SNCAIP: variants seen among roughly 807,000 people sequenced by gnomAD.
SNCAIP encodes synuclein alpha interacting protein.
SNCAIP carries 43 observed loss-of-function variants against 86.7 expected under a neutral mutation model. The ratio of observed to expected loss-of-function variants is 0.50; its 90% CI spans 0.39 to 0.64. The LOEUF (loss-of-function observed/expected upper bound fraction) is 0.64, where lower values mean the gene tolerates loss of function less well. Ranked by LOEUF, SNCAIP falls within the 30% of genes least tolerant of loss-of-function variation. The pLI, the probability that SNCAIP is intolerant of heterozygous loss-of-function variation, is 0.00. For synonymous variants in SNCAIP, 417 were observed against 427.2 expected (o/e 0.98, Z 0.29); for missense variants, 981 against 1,103.1 (o/e 0.89, Z 1.57).
rs1490227893 is a variant in SNCAIP at position 122,440,339 on chromosome 5, G to A, written c.1297-290G>A. 2.8e-5 allele frequency: 11 copies of A among 395,848 alleles called. No individual in the cohort carries two copies. The East Asian group carries it at 6.5e-4, about 23-fold the overall frequency. The allele number at this position is 395,848 out of a possible 1,614,324, so 24.5% of individuals were successfully genotyped here. On this transcript the variant is annotated intron_variant, in intron 6 of 10. Coordinates refer to ENST00000261368, the MANE Select transcript of SNCAIP (RefSeq NM_005460.4). The stretch of plus-strand genomic sequence containing the variant: ...CTGTCTAGCTGTGTGCCTTGGATGA[G>A]GCACTCAATCTTACTGCAAACCTAT...
intron 1 of SNCAIP, among the ~76,000 whole-genome samples, chr5:122,372,117 G>T (rs1046314625): frequency 6.6e-6 from 1 of 152,086 alleles, no homozygotes; most frequent in African/African-American, 2.4e-5. Flanking sequence ...TATCTAACAT[G>T]CAGCACTAGG....
intron 3 of SNCAIP, among the ~76,000 whole-genome samples, chr5:122,407,484 G>A (rs1267289320): frequency 1.3e-5 from 2 of 152,200 alleles, no homozygotes; most frequent in South Asian, 2.1e-4. Flanking sequence ...AGCAATGCCA[G>A]CAGGATTCCA....
intron 1 of SNCAIP, among the ~76,000 whole-genome samples, chr5:122,347,614 A>G (rs1272944142): frequency 6.6e-6 from 1 of 152,054 alleles, no homozygotes; most frequent in East Asian, 1.9e-4. Flanking sequence ...ATTGGAAAAA[A>G]TATATATCCA....
chr5:122,409,345 A>G (rs1489173892), intron 3 of SNCAIP, among the ~76,000 whole-genome samples: 1 of 152,240 alleles, frequency 6.6e-6, no homozygotes, highest in Non-Finnish European at 1.5e-5. Flanking sequence ...GTCTCAATTC[A>G]TGCTGCTTTA....
At chr5:122,320,331 A>C (rs191426877) in intron 1 of SNCAIP, among the ~76,000 whole-genome samples, 425 of 152,320 alleles carry the variant, frequency 2.8e-3, no homozygotes, top group Non-Finnish European at 5.2e-3. Flanking sequence ...AAATGACTGC[A>C]AATTCTCCAT....
intron 5 of SNCAIP, among the ~76,000 whole-genome samples, chr5:122,430,015 A>C (rs530032211): frequency 2.4e-4 from 36 of 152,230 alleles, no homozygotes; most frequent in African/African-American, 8.2e-4. Context: ...CAGGGAGCCA[A>C]CTCATTCAGA....
intron 1 of SNCAIP, among the ~76,000 whole-genome samples, chr5:122,357,261 A>T (rs1761208261): frequency 6.6e-6 from 1 of 152,004 alleles, no homozygotes; most frequent in Non-Finnish European, 1.5e-5. Context: ...TTCAAGACAG[A>T]GTCTTGCTCT....
At chr5:122,382,244 T>C (rs1046696130) in intron 1 of SNCAIP, among the ~76,000 whole-genome samples, 8 of 152,130 alleles carry the variant, frequency 5.3e-5, no homozygotes, top group African/African-American at 7.2e-5. Flanking sequence ...CTCATTTCTT[T>C]TTATTCTTTT....
intron 1 of SNCAIP, among the ~76,000 whole-genome samples, chr5:122,351,303 A>G (rs1157242778): frequency 1.3e-5 from 2 of 152,042 alleles, no homozygotes; most frequent in African/African-American, 4.8e-5. Context: ...TTGGGAGGCC[A>G]AGGCAGGCAG....
intron 1 of SNCAIP, among the ~76,000 whole-genome samples, chr5:122,347,890 T>C (rs949678557): frequency 1.3e-5 from 2 of 152,138 alleles, no homozygotes; most frequent in Non-Finnish European, 2.9e-5. Context: ...AACGATTTTC[T>C]TTTTAAAAAA....
At chr5:122,459,181 TC>T (rs1451681468) in intron 10 of SNCAIP, among the ~76,000 whole-genome samples, 1 of 152,178 alleles carries the variant, frequency 6.6e-6, no homozygotes, top group East Asian at 1.9e-4. Flanking sequence ...ATAGATGTGC[TC>T]TCAGTCAAAA....
intron 1 of SNCAIP, among the ~76,000 whole-genome samples, chr5:122,352,877 G>A (rs563534619): frequency 2.0e-5 from 3 of 152,220 alleles, no homozygotes; most frequent in South Asian, 2.1e-4. Flanking sequence ...GAGAAGAAGC[G>A]AGAAGCATGG....
intron 1 of SNCAIP, among the ~76,000 whole-genome samples, chr5:122,319,723 G>T (rs958233568): frequency 1.3e-5 from 2 of 152,214 alleles, no homozygotes; most frequent in Non-Finnish European, 2.9e-5. Context: ...GCAGAAGGAA[G>T]ATATTAGCCA....
chr5:122,454,746 G>T (rs944385230), intron 10 of SNCAIP, among the ~76,000 whole-genome samples: 1 of 152,178 alleles, frequency 6.6e-6, no homozygotes, highest in African/African-American at 2.4e-5. Flanking sequence ...AACTCCTTGG[G>T]AAGGGGAAGA....
chr5:122,422,336 C>T (rs1776553368), intron 3 of SNCAIP, among the ~76,000 whole-genome samples: 1 of 152,184 alleles, frequency 6.6e-6, no homozygotes, highest in South Asian at 2.1e-4. Flanking sequence ...TAGGGAGTCA[C>T]TCAAGGAGGT....
chr5:122,406,568 G>C (rs1037480162), intron 3 of SNCAIP, among the ~76,000 whole-genome samples: 1 of 152,140 alleles, frequency 6.6e-6, no homozygotes, highest in Non-Finnish European at 1.5e-5. Flanking sequence ...TCTCATGAAT[G>C]GTTTAGCGCC....
chr5:122,312,100 G>T (rs1750680309), upstream of SNCAIP: 1 of 147,436 alleles, frequency 6.8e-6, no homozygotes, highest in African/African-American at 2.4e-5. Context: ...GCCCGCGCGC[G>T]CCCGTTGGGG....
At position 122,423,650 on chromosome 5, in the gene SNCAIP, A is replaced by C. The variant is rs746747017; in HGVS notation, c.913A>C (p.Ser305Arg). The C allele has an allele frequency of 2.5e-6, 4 of 1,612,644 alleles. No homozygotes were observed. In the Admixed American group the frequency reaches 6.7e-5, roughly 27 times the overall value. Residue 305 changes from serine (S) to arginine (R), a missense_variant, in exon 4 of 11, where the codon AGC becomes CGC. Transcript: ENST00000261368. ...GCAGGTCAGTGGCCTAAACCGGACCAGCTCCCAAGGCCCAGAAGAAAGGAG... is the reference window on the plus strand; with the variant it reads ...GCAGGTCAGTGGCCTAAACCGGACCCGCTCCCAAGGCCCAGAAGAAAGGAG... ...EEQVSGLNRT[S>R]SQGPEERSEY... is the part of the protein sequence containing the mutation.
At chr5:122,313,149 G>T (rs1053797328) in intron 1 of SNCAIP, among the ~76,000 whole-genome samples, 1 of 152,242 alleles carries the variant, frequency 6.6e-6, no homozygotes, top group Non-Finnish European at 1.5e-5. Context: ...CGGCTAGGAG[G>T]GGGGAAACGT....
Sources: allele counts gnomAD v4.1 joint callset (sites outside exome capture counted in the v4.1 genomes callset), GRCh38; gene constraint gnomAD v4.1.1; transcripts MANE v1.5; gene names NCBI Gene and HGNC (gene_info 2026-07-23, HGNC 2026-07-21).